The following ROBO1 variants were observed in gnomAD, a reference collection of about 807,000 sequenced individuals.
ROBO1 encodes roundabout guidance receptor 1, also known as roundabout homolog 1.
A neutral mutation model predicts 195.9 loss-of-function variants in ROBO1; 149 were observed. The ratio of observed to expected loss-of-function variants is 0.76; its 90% confidence interval spans 0.67 to 0.87. ROBO1 has a LOEUF of 0.87. Ranked by LOEUF, ROBO1 falls within the 40% of genes least tolerant of loss-of-function variation. The pLI, the probability that ROBO1 is intolerant of heterozygous loss-of-function variation, is 0.00. For synonymous variants in ROBO1, 816 were observed against 733.2 expected, an observed-to-expected ratio of 1.11 and a Z score of -1.82; for missense variants, 1,933 against 2,068.3, an observed-to-expected ratio of 0.93 and a Z score of 1.27.
chr3:79,655,285 C>T (rs909143231), intron 1 of ROBO1, among the ~76,000 whole-genome samples: 5 of 151,878 alleles, frequency 3.3e-5, no homozygotes, highest in African/African-American at 1.2e-4. Flanking sequence ...GTCAACTATA[C>T]CCTCATCTTT....
chr3:78,709,625 T>G (rs1575987551), intron 8 of ROBO1, among the ~76,000 whole-genome samples: 1 of 152,320 alleles, frequency 6.6e-6, no homozygotes. Flanking sequence ...GGTACAGGTT[T>G]TAGTGGTGCA....
intron 29 of ROBO1, 57 bp downstream of exon 29, chr3:78,606,676 G>C: frequency 1.9e-6 from 3 of 1,549,294 alleles, no homozygotes; most frequent in South Asian, 2.4e-5. Context: ...GAGCCTAACT[G>C]TATGCCTTGC....
chr3:79,188,689 C>T (rs745634093), intron 2 of ROBO1, among the ~76,000 whole-genome samples: 1 of 151,666 alleles, frequency 6.6e-6, no homozygotes, highest in Non-Finnish European at 1.5e-5. Context: ...AAGCTGAGCA[C>T]GTGTTTTGGC....
At chr3:78,997,145 T>C (rs1401125278) in intron 3 of ROBO1, among the ~76,000 whole-genome samples, 1 of 152,120 alleles carries the variant, frequency 6.6e-6, no homozygotes, top group Non-Finnish European at 1.5e-5. Context: ...ATGTGATTAG[T>C]GCTGGACTTG....
At chr3:79,344,689 A>C (rs2035041434) in intron 2 of ROBO1, among the ~76,000 whole-genome samples, 1 of 152,136 alleles carries the variant, frequency 6.6e-6, no homozygotes, top group Non-Finnish European at 1.5e-5. Flanking sequence ...GGAAGGCTGT[A>C]AAAATGCATA....
At chr3:79,178,214 A>G (rs920147924) in intron 2 of ROBO1, among the ~76,000 whole-genome samples, 1 of 152,160 alleles carries the variant, frequency 6.6e-6, no homozygotes, top group Non-Finnish European at 1.5e-5. Flanking sequence ...CTATTTGTTT[A>G]TTTAGAATAT....
At chr3:78,695,620 T>G (rs2081270534) in intron 8 of ROBO1, among the ~76,000 whole-genome samples, 1 of 140,240 alleles carries the variant, frequency 7.1e-6, no homozygotes, top group African/African-American at 2.7e-5. Context: ...GCAAGACTCT[T>G]GTCTCAAAAA....
intron 3 of ROBO1, among the ~76,000 whole-genome samples, chr3:79,077,257 A>G (rs1273588401): frequency 6.6e-6 from 1 of 151,900 alleles, no homozygotes; most frequent in Non-Finnish European, 1.5e-5. Context: ...TGTATACAAT[A>G]TTTTTAGTGT....
chr3:78,615,754 A>G (rs1416012646), intron 27 of ROBO1, among the ~76,000 whole-genome samples: 1 of 152,234 alleles, frequency 6.6e-6, no homozygotes, highest in Non-Finnish European at 1.5e-5. Context: ...GAAGCCACAT[A>G]TAGTGCAATC....
rs188762909 is a variant in ROBO1 at position 79,651,741 on chromosome 3, G to A, written c.-50-61780C>T. On this transcript the variant is annotated intron_variant, in intron 1 of 30. Coordinates refer to ENST00000464233, the MANE Select transcript of ROBO1 (RefSeq NM_002941.4). Reference sequence around the variant, plus strand: ...GAGGCTCTCCTTGGCTTGGTTTAATGTTTCATTTGGTGCCAAAAAGTATTA... The same window carrying A: ...GAGGCTCTCCTTGGCTTGGTTTAATATTTCATTTGGTGCCAAAAAGTATTA... 2.0e-5 allele frequency among the ~76,000 whole-genome samples: 3 copies of A among 152,178 alleles called. No homozygotes were observed. The East Asian group carries it at 5.8e-4, about 29-fold the overall frequency.
At chr3:78,697,878 A>G (rs1021100836) in intron 8 of ROBO1, among the ~76,000 whole-genome samples, 1 of 152,196 alleles carries the variant, frequency 6.6e-6, no homozygotes, top group Non-Finnish European at 1.5e-5. Flanking sequence ...AAGCGAATGC[A>G]TCTACAATAG....
At chr3:79,327,142 C>G in intron 2 of ROBO1, among the ~76,000 whole-genome samples, 1 of 151,936 alleles carries the variant, frequency 6.6e-6, no homozygotes, top group Non-Finnish European at 1.5e-5. Flanking sequence ...AGAAAATTTA[C>G]GCAAAATAAG....
intron 2 of ROBO1, among the ~76,000 whole-genome samples, chr3:79,406,553 A>G (rs910693034): frequency 6.6e-6 from 1 of 151,778 alleles, no homozygotes; most frequent in Non-Finnish European, 1.5e-5. Flanking sequence ...TAGGGAAGAG[A>G]TGCATTGTGT....
At chr3:78,880,007 T>C (rs1303170541) in intron 4 of ROBO1, among the ~76,000 whole-genome samples, 1 of 152,126 alleles carries the variant, frequency 6.6e-6, no homozygotes, top group East Asian at 1.9e-4. Context: ...ATATAATGTA[T>C]ACATGACCCT....
chr3:79,389,834 C>A (rs2036882671), intron 2 of ROBO1, among the ~76,000 whole-genome samples: 2 of 152,040 alleles, frequency 1.3e-5, no homozygotes, highest in South Asian at 4.2e-4. Context: ...AGTCCTATGG[C>A]CAAAGGAAGA....
At chr3:78,816,411 G>C in intron 4 of ROBO1, among the ~76,000 whole-genome samples, 1 of 13,656 alleles carries the variant, frequency 7.3e-5, no homozygotes, top group East Asian at 0.1. Context: ...TTGTTTTCAT[G>C]ATTTGCTAAC....
At chr3:79,562,847 G>A (rs1942968795) in intron 2 of ROBO1, among the ~76,000 whole-genome samples, 1 of 151,840 alleles carries the variant, frequency 6.6e-6, no homozygotes, top group South Asian at 2.1e-4. Flanking sequence ...AAAACCTCCG[G>A]TAAATTCTGC....
At chr3:79,763,088 T>A (rs1704799245) in intron 1 of ROBO1, among the ~76,000 whole-genome samples, 1 of 152,156 alleles carries the variant, frequency 6.6e-6, no homozygotes, top group African/African-American at 2.4e-5. Context: ...CAGTTTCCTT[T>A]AAAATGCTTG....
At chr3:79,391,072 A>AAGATTCC (rs969440383) in intron 2 of ROBO1, among the ~76,000 whole-genome samples, 1 of 151,428 alleles carries the variant, frequency 6.6e-6, no homozygotes, top group African/African-American at 2.4e-5. Context: ...AGGCTATGAG[A>AAGATTCC]AGATTCCTTG....
Sources: gnomAD v4.1 joint callset for allele counts (sites outside exome capture counted in the v4.1 genomes callset) on GRCh38, gnomAD v4.1.1 for gene constraint, MANE v1.5 for transcripts, NCBI Gene and HGNC (gene_info 2026-07-23, HGNC 2026-07-21) for gene names.